The following OPRK1 variants were observed in gnomAD, a reference collection of about 807,000 sequenced individuals.
OPRK1 encodes the protein kappa-type opioid receptor.
A neutral mutation model predicts 24.5 loss-of-function variants in OPRK1; 15 were observed. That is an observed-to-expected ratio of 0.61 (90% CI 0.41 to 0.94). The LOEUF is 0.94. OPRK1 is among the 40% of genes least tolerant of loss of function. The pLI, the probability that OPRK1 is intolerant of heterozygous loss-of-function variation, is 0.00. For synonymous variants in OPRK1, 205 were observed against 198.0 expected (o/e 1.04, Z -0.30); for missense variants, 479 against 507.3 (o/e 0.94, Z 0.54).
rs964928478 is a variant in OPRK1, at chr8:53,235,030, G to A, written c.339C>T (p.Pro113=). 9.3e-6 allele frequency: 15 copies of A among 1,614,100 alleles called. No homozygotes were observed. Among genetic ancestry groups the A allele is most frequent in the Non-Finnish European group, 1.3e-5 (15 of 1,180,050 alleles). The part of the protein sequence containing the change: ...LADALVTTTM[P]FQSTVYLMNS... Reference sequence around the variant, plus strand: ...TCATCAAGTAGACCGTACTCTGAAAGGGCATGGTTGTAGTAACTAAAGCAT... The same window carrying A: ...TCATCAAGTAGACCGTACTCTGAAAAGGCATGGTTGTAGTAACTAAAGCAT... The change falls in exon 3 of 4, where the codon CCC becomes CCT. Residue 113 remains proline, a synonymous_variant. Coordinates refer to ENST00000265572, the MANE Select transcript of OPRK1 (RefSeq NM_000912.5).
chr8:53,226,539 C>T lies in OPRK1; in HGVS notation c.*2758G>A, dbSNP rs1806691164. On this transcript the variant is annotated 3_prime_UTR_variant, in exon 4 of 4. Coordinates refer to ENST00000265572, the MANE Select transcript of OPRK1 (RefSeq NM_000912.5). ...CAGACAGTGTCCTCCTTGTTGAGGT[C>T]AGAGAATAGGAACATCAAGAAATGA... is the stretch of plus-strand genomic sequence containing the variant. 6.6e-6 allele frequency: 1 copy of T among 152,214 alleles called. No individual in the cohort carries two copies. Among genetic ancestry groups the T allele is most frequent in the Admixed American group, 6.5e-5 (1 of 15,284 alleles). The allele number at this position is 152,214 out of a possible 1,614,324, so 9.4% of individuals were successfully genotyped here. A position where few individuals can be genotyped will look rare whatever the true frequency, so the allele number is the denominator to read the frequency against.
At position 53,229,636 on chromosome 8, in the gene OPRK1, G is replaced by T. The variant is rs751182009; in HGVS notation, c.804C>A (p.Asn268Lys). The change falls in exon 4 of 4, where the codon AAC becomes AAA. Residue 268 changes from asparagine (N) to lysine (K), a missense_variant. Asn to Lys is a moderately conservative substitution (Grantham distance 94). Transcript: ENST00000265572. ...GGACCAGTCTGGTGATCCTACGCAGGTTGCGATCTTTCTCTCGGGAGCCAG... is the reference window on the plus strand; with the variant it reads ...GGACCAGTCTGGTGATCCTACGCAGTTTGCGATCTTTCTCTCGGGAGCCAG... Reference protein sequence around the residue: ...LLSGSREKDRNLRRITRLVLV... With the variant: ...LLSGSREKDRKLRRITRLVLV... 6.2e-7 allele frequency: 1 copy of T among 1,614,130 alleles called. No homozygotes were observed. The highest frequency in any genetic ancestry group is 8.5e-7 in the Non-Finnish European group (1 of 1,180,016).
chr8:53,233,536 A>C (rs989355759), intron 3 of OPRK1, among the ~76,000 whole-genome samples: 3 of 152,174 alleles, frequency 2.0e-5, no homozygotes, highest in African/African-American at 7.2e-5. Context: ...CTGCTCTCAC[A>C]GGTATTATGA....
chr8:53,238,702 G>A, intron 2 of OPRK1: 7 of 985,484 alleles, frequency 7.1e-6, no homozygotes, highest in Non-Finnish European at 8.4e-6. Flanking sequence ...TTGTGTGATG[G>A]TGAGGGGAAC....
At position 53,235,074 on chromosome 8, in the gene OPRK1, A is replaced by G; in HGVS notation, c.295T>C (p.Phe99Leu). 6.2e-7 allele frequency: 1 copy of G among 1,614,190 alleles called. No individual in the cohort carries two copies. Among genetic ancestry groups the G allele is most frequent in the Non-Finnish European group, 8.5e-7 (1 of 1,180,008 alleles). Residue 99 changes from phenylalanine to leucine, a missense_variant, in exon 3 of 4, where the codon TTT becomes CTT. Transcript: ENST00000265572. ...AAAGCATCTGCCAAAGCCAGGTTAA[A>G]TATGTAAATGTTGGTTGCTGTCTTC... The part of the protein sequence containing the change: ...KMKTATNIYI[F>L]NLALADALVT...
Position 53,237,345 on chromosome 8 carries a change from TAG to T in OPRK1, c.258-2236_258-2235del, listed in dbSNP as rs1446427011. 3.3e-5 allele frequency among the ~76,000 whole-genome samples: 5 copies of T among 152,272 alleles called. No homozygotes were observed. The South Asian group carries it at 1.0e-3, about 32-fold the overall frequency. On this transcript the variant is annotated intron_variant, in intron 2 of 3. Transcript: ENST00000265572. ...TGCATCTTTAAGTAGTCATACAATG[TAG>T]AGTGATAGCTTGATTTTAGTTTTTC...
intron 2 of OPRK1, among the ~76,000 whole-genome samples, chr8:53,250,011 A>G (rs1807331240): frequency 6.6e-6 from 1 of 152,072 alleles, no homozygotes; most frequent in Non-Finnish European, 1.5e-5. Context: ...TTACCAAAAA[A>G]TTAGCATATA....
chr8:53,238,219 C>CTCATTA (rs1333702968), intron 2 of OPRK1, among the ~76,000 whole-genome samples: 1 of 152,144 alleles, frequency 6.6e-6, no homozygotes, highest in Non-Finnish European at 1.5e-5. Context: ...AGCAAGCTTT[C>CTCATTA]TCATTATGCT....
rs1036832630 is a variant in OPRK1, at chr8:53,226,670, A to C, written c.*2627T>G. The C allele has an allele frequency of 9.4e-6, 1 of 106,540 alleles. No individual in the cohort carries two copies. Among genetic ancestry groups the C allele is most frequent in the Non-Finnish European group, 1.8e-5 (1 of 55,734 alleles). The allele number at this position is 106,540 out of a possible 1,614,324, so 6.6% of individuals were successfully genotyped here. A position where few individuals can be genotyped will look rare whatever the true frequency, so the allele number is the denominator to read the frequency against. ...CAGCAGGACATCAGGACAAACAGAA[A>C]GCGTGTACACACTTTGACAAAGAAA... is the stretch of plus-strand genomic sequence containing the variant. On this transcript the variant is annotated 3_prime_UTR_variant, in exon 4 of 4. Transcript: ENST00000265572.
intron 3 of OPRK1, among the ~76,000 whole-genome samples, chr8:53,232,084 C>T (rs746043802): frequency 6.6e-6 from 1 of 152,092 alleles, no homozygotes; most frequent in African/African-American, 2.4e-5. Context: ...AGGCAATCAT[C>T]AAGAATCCCA....
chr8:53,241,415 G>C (rs1248217376), intron 2 of OPRK1, among the ~76,000 whole-genome samples: 1 of 151,890 alleles, frequency 6.6e-6, no homozygotes, highest in Non-Finnish European at 1.5e-5. Flanking sequence ...TTCTAGAAAA[G>C]AAAGGAGGGA....
At chr8:53,235,156 A>G (rs1450647771) in intron 2 of OPRK1, 45 bp from the exon 3 acceptor site, 1 of 1,527,476 alleles carries the variant, frequency 6.5e-7, no homozygotes, top group Non-Finnish European at 9.0e-7. Flanking sequence ...TTTCAAGTCA[A>G]ACCCATAAGG....
At chr8:53,247,295 A>G (rs1807254351) in intron 2 of OPRK1, among the ~76,000 whole-genome samples, 1 of 152,186 alleles carries the variant, frequency 6.6e-6, no homozygotes, top group African/African-American at 2.4e-5. Context: ...AGAGCATAGG[A>G]TCAATGGTCA....
Position 53,226,316 on chromosome 8 carries a change from C to T in OPRK1, c.*2981G>A, listed in dbSNP as rs1352832787. The T allele has an allele frequency of 6.6e-6, 1 of 152,096 alleles. No individual in the cohort carries two copies. The highest frequency in any genetic ancestry group is 2.4e-5 in the African/African-American group (1 of 41,412). 9.4% of individuals were successfully genotyped at this position (152,096 alleles called of 1,614,324 possible). ...TACTCTGAGATACTAAGAGTGTTTCCACTCTCCTCCCAGTTAGAGTGGGGG... is the reference window on the plus strand; with the variant it reads ...TACTCTGAGATACTAAGAGTGTTTCTACTCTCCTCCCAGTTAGAGTGGGGG... On this transcript the variant is annotated 3_prime_UTR_variant, in exon 4 of 4. Transcript: ENST00000265572.
In OPRK1 at chr8:53,251,563, G is replaced by C. The variant is rs1179519219; in HGVS notation, c.-164C>G. 1 of 152,644 alleles carries C rather than the reference G, an allele frequency of 6.6e-6. No individual in the cohort carries two copies. The highest frequency in any genetic ancestry group is 2.4e-5 in the African/African-American group (1 of 41,450). The allele number at this position is 152,644 out of a possible 1,614,324, so 9.5% of individuals were successfully genotyped here. A position where few individuals can be genotyped will look rare whatever the true frequency, so the allele number is the denominator to read the frequency against. On this transcript the variant is annotated 5_prime_UTR_variant, in exon 1 of 4. Transcript: ENST00000265572. ...TTGGCATCACCTGCTCTCGGACCCC[G>C]GCCCCGCTCTCCGCCCGAGGGCTGC...
chr8:53,233,260 C>T (rs759721057), intron 3 of OPRK1, among the ~76,000 whole-genome samples: 1 of 152,150 alleles, frequency 6.6e-6, no homozygotes, highest in Non-Finnish European at 1.5e-5. Context: ...TGAGTGATAA[C>T]GACGTGTCAG....
Position 53,250,824 on chromosome 8 carries a change from C to A in OPRK1, c.214G>T (p.Val72Leu), listed in dbSNP as rs151052532. Residue 72 changes from valine (V) to leucine (L), a missense_variant, in exon 2 of 4, where the codon GTG (valine) becomes TTG (leucine). By Grantham distance (32) the Val-to-Leu change is conservative. Transcript: ENST00000265572. The stretch of plus-strand genomic sequence containing the variant: ...ACCAGCGAGTTGCCCACCAAGCCCA[C>A]GACGAACACTACGGAGTAGACCGCC... Reference protein sequence around the residue: ...ITAVYSVVFVVGLVGNSLVMF... With the variant: ...ITAVYSVVFVLGLVGNSLVMF... 3.1e-6 allele frequency: 5 copies of A among 1,611,324 alleles called. No individual in the cohort carries two copies. The African/African-American group carries it at 5.4e-5, about 17-fold the overall frequency.
intron 2 of OPRK1, chr8:53,242,958 T>C (rs566060642): frequency 2.3e-6 from 3 of 1,279,604 alleles, no homozygotes; most frequent in Non-Finnish European, 3.1e-6. Context: ...TTTATAGTAT[T>C]ATCCCCACTC....
intron 2 of OPRK1, among the ~76,000 whole-genome samples, chr8:53,241,373 GT>G (rs887499722): frequency 5.9e-5 from 9 of 151,572 alleles, no homozygotes; most frequent in African/African-American, 1.7e-4. Flanking sequence ...AAATTGTAGG[GT>G]TTTTTTTCTA....
Sources: gnomAD v4.1 joint callset for allele counts (sites outside exome capture counted in the v4.1 genomes callset) on GRCh38, gnomAD v4.1.1 for gene constraint, MANE v1.5 for transcripts, NCBI Gene and HGNC (gene_info 2026-07-23, HGNC 2026-07-21) for gene names.